The following LINGO2 variants were observed in gnomAD, a reference collection of about 807,000 sequenced individuals.
The protein encoded by LINGO2 is leucine-rich repeat and immunoglobulin-like domain-containing nogo receptor-interacting protein 2.
Under a neutral mutation model 30.6 loss-of-function variants are expected in LINGO2, and 14 were observed. That is an observed-to-expected ratio of 0.46 (90% CI 0.30 to 0.72). The LOEUF is 0.72. Among genes scored for constraint, LINGO2 ranks in the 30% least tolerant of loss-of-function variants. The pLI, the probability that LINGO2 is intolerant of heterozygous loss-of-function variation, is 0.07. For synonymous variants in LINGO2, 317 were observed against 288.5 expected, an observed-to-expected ratio of 1.10 and a Z score of -1.00; for missense variants, 729 against 751.7, an observed-to-expected ratio of 0.97 and a Z score of 0.35.
At chr9:29,070,404 A>T in the LINGO2 span, among the ~76,000 whole-genome samples, 12 of 152,256 alleles carry the variant, frequency 7.9e-5, no homozygotes, top group African/African-American at 2.6e-4. Context: ...AGAAGGAAGC[A>T]ATGCATTGAC....
chr9:28,276,033 A>T (rs1404181908), intron 4 of LINGO2, among the ~76,000 whole-genome samples: 1 of 152,186 alleles, frequency 6.6e-6, no homozygotes, highest in East Asian at 1.9e-4. Flanking sequence ...AAATTAACAT[A>T]ATAGTACTTA....
chr9:28,655,214 TGAA>T (rs1828284270), intron 1 of LINGO2, among the ~76,000 whole-genome samples: 4 of 152,064 alleles, frequency 2.6e-5, no homozygotes, highest in African/African-American at 9.7e-5. Flanking sequence ...TGCTGCCATG[TGAA>T]GAAGGATGTA....
At chr9:28,848,061 A>AGTG in the LINGO2 span, among the ~76,000 whole-genome samples, 102 of 49,722 alleles carry the variant, frequency 2.1e-3, 8 homozygotes, top group East Asian at 3.1e-3. Context: ...ATATATATAT[A>AGTG]TGTATATAAT....
At chr9:28,729,358 G>T in the LINGO2 span, among the ~76,000 whole-genome samples, 1 of 152,062 alleles carries the variant, frequency 6.6e-6, no homozygotes, top group Non-Finnish European at 1.5e-5. Context: ...ATAAAATTAA[G>T]ATATTCCATA....
chr9:28,791,896 G>A, the LINGO2 span, among the ~76,000 whole-genome samples: 1 of 151,086 alleles, frequency 6.6e-6, no homozygotes, highest in Non-Finnish European at 1.5e-5. Context: ...GAGTGACACT[G>A]GATATTACAG....
chr9:28,535,345 A>C (rs946902243), intron 1 of LINGO2, among the ~76,000 whole-genome samples: 2 of 152,110 alleles, frequency 1.3e-5, no homozygotes. Context: ...GGGATCATGA[A>C]TTATATTAGT....
the LINGO2 span, among the ~76,000 whole-genome samples, chr9:28,957,203 C>A: frequency 6.6e-6 from 1 of 152,250 alleles, no homozygotes; most frequent in African/African-American, 2.4e-5. Flanking sequence ...GAAGCACACC[C>A]TGGGACGTAT....
At chr9:28,581,564 A>G (rs1824260018) in intron 1 of LINGO2, among the ~76,000 whole-genome samples, 1 of 151,598 alleles carries the variant, frequency 6.6e-6, no homozygotes, top group African/African-American at 2.4e-5. Flanking sequence ...ATAAGTCTGA[A>G]AGGAAAACTT....
At chr9:27,999,968 T>G (rs1286962302) in intron 5 of LINGO2, among the ~76,000 whole-genome samples, 2 of 151,944 alleles carry the variant, frequency 1.3e-5, no homozygotes, top group Non-Finnish European at 2.9e-5. Flanking sequence ...CCACTATACA[T>G]GATGTCAAAT....
intron 1 of LINGO2, among the ~76,000 whole-genome samples, chr9:28,515,003 C>A (rs1239150791): frequency 6.6e-6 from 1 of 151,786 alleles, no homozygotes; most frequent in Non-Finnish European, 1.5e-5. Flanking sequence ...ATTTTAGGCC[C>A]ATTGTTAAGA....
chr9:28,709,777 T>A, the LINGO2 span, among the ~76,000 whole-genome samples: 2 of 151,982 alleles, frequency 1.3e-5, no homozygotes, highest in Non-Finnish European at 2.9e-5. Flanking sequence ...GTTATCTAGC[T>A]ACTTACACAA....
At chr9:29,200,077 A>AT in the LINGO2 span, among the ~76,000 whole-genome samples, 4 of 152,078 alleles carry the variant, frequency 2.6e-5, no homozygotes, top group African/African-American at 9.7e-5. Context: ...AATAGGAAAA[A>AT]TGTTTAGAAA....
At chr9:28,212,709 A>C (rs906341863) in intron 4 of LINGO2, among the ~76,000 whole-genome samples, 1 of 151,440 alleles carries the variant, frequency 6.6e-6, no homozygotes, top group Non-Finnish European at 1.5e-5. Flanking sequence ...ATAAAATTAA[A>C]TAAAATTTAA....
At chr9:28,738,968 T>C in the LINGO2 span, among the ~76,000 whole-genome samples, 2 of 152,070 alleles carry the variant, frequency 1.3e-5, no homozygotes, top group Non-Finnish European at 2.9e-5. Context: ...AAGGACACTA[T>C]TTCTCAAATT....
chr9:28,878,923 G>T, the LINGO2 span, among the ~76,000 whole-genome samples: 1 of 152,108 alleles, frequency 6.6e-6, no homozygotes, highest in African/African-American at 2.4e-5. Flanking sequence ...TTTGAAAACT[G>T]GCACAAGACA....
At chr9:27,980,246 G>A (rs527655888) in intron 5 of LINGO2, among the ~76,000 whole-genome samples, 1 of 152,052 alleles carries the variant, frequency 6.6e-6, no homozygotes, top group East Asian at 1.9e-4. Context: ...ACTCAAACGT[G>A]CAGGATGCTA....
intron 1 of LINGO2, among the ~76,000 whole-genome samples, chr9:28,555,015 A>G (rs1272976263): frequency 2.9e-5 from 4 of 138,236 alleles, no homozygotes; most frequent in East Asian, 2.1e-4. Flanking sequence ...AGGGAAATTT[A>G]TAGCACTAAA....
chr9:28,733,979 C>A, the LINGO2 span, among the ~76,000 whole-genome samples: 1 of 152,054 alleles, frequency 6.6e-6, no homozygotes, highest in African/African-American at 2.4e-5. Flanking sequence ...AATAGTCCCC[C>A]ATTATCTATG....
chr9:28,141,994 T>C (rs1827685364), intron 4 of LINGO2, among the ~76,000 whole-genome samples: 1 of 152,198 alleles, frequency 6.6e-6, no homozygotes, highest in South Asian at 2.1e-4. Flanking sequence ...GCATCAATTT[T>C]CTGCATTACT....
Sources: allele counts gnomAD v4.1 joint callset (sites outside exome capture counted in the v4.1 genomes callset), GRCh38; gene constraint gnomAD v4.1.1; transcripts MANE v1.5; gene names NCBI Gene and HGNC (gene_info 2026-07-23, HGNC 2026-07-21).